GPD2: variants seen among roughly 807,000 people sequenced by gnomAD.
GPD2 encodes the protein glycerol-3-phosphate dehydrogenase, mitochondrial.
Under a neutral mutation model 82.4 loss-of-function variants are expected in GPD2, and 54 were observed. The ratio of observed to expected loss-of-function variants is 0.66; its 90% confidence interval spans 0.53 to 0.82. GPD2 has a LOEUF of 0.82. Among genes scored for constraint, GPD2 ranks in the 40% least tolerant of loss-of-function variants. The probability of loss-of-function intolerance (pLI) is 0.00; values close to 1 mark genes in which losing one functional copy is unlikely to be tolerated. For synonymous variants in GPD2, 288 were observed against 306.1 expected, an observed-to-expected ratio of 0.94 and a Z score of 0.62; for missense variants, 748 against 896.2, an observed-to-expected ratio of 0.83 and a Z score of 2.11.
At chr2:156,408,832 G>C in the GPD2 span, among the ~76,000 whole-genome samples, 1 of 151,568 alleles carries the variant, frequency 6.6e-6, no homozygotes, top group African/African-American at 2.4e-5. Context: ...GTTAAATTTT[G>C]TTGCCCAAAA....
chr2:156,461,247 T>C (rs569509048), intron 1 of GPD2, among the ~76,000 whole-genome samples: 1 of 150,312 alleles, frequency 6.7e-6, no homozygotes, highest in African/African-American at 2.4e-5. Flanking sequence ...CAGCTCGCTG[T>C]AGCCTTGACC....
chr2:156,481,286 C>T (rs1683721508), intron 2 of GPD2, among the ~76,000 whole-genome samples: 1 of 152,120 alleles, frequency 6.6e-6, no homozygotes, highest in African/African-American at 2.4e-5. Context: ...TTACCTCAAA[C>T]ATTGATCATT....
At chr2:156,538,521 C>T (rs530494632) in intron 6 of GPD2, among the ~76,000 whole-genome samples, 1 of 150,532 alleles carries the variant, frequency 6.6e-6, no homozygotes, top group Non-Finnish European at 1.5e-5. Context: ...TTTGAATAAC[C>T]AAATTAAGAT....
intron 1 of GPD2, among the ~76,000 whole-genome samples, chr2:156,471,134 T>C (rs1209178539): frequency 2.6e-5 from 4 of 152,242 alleles, no homozygotes; most frequent in Admixed American, 2.6e-4. Flanking sequence ...AAACCACTTA[T>C]TGTGTTCAGT....
intron 16 of GPD2, among the ~76,000 whole-genome samples, chr2:156,582,500 A>AAAAT: frequency 6.6e-6 from 1 of 150,966 alleles, no homozygotes. Flanking sequence ...AAAAAAAAAA[A>AAAAT]GTGCCTTGAG....
At chr2:156,455,914 G>A (rs1682774643) in intron 1 of GPD2, among the ~76,000 whole-genome samples, 1 of 152,114 alleles carries the variant, frequency 6.6e-6, no homozygotes, top group Non-Finnish European at 1.5e-5. Flanking sequence ...TTTCCATATT[G>A]CCTTTGTTTG....
intron 6 of GPD2, among the ~76,000 whole-genome samples, chr2:156,538,065 G>A (rs1005559162): frequency 1.3e-5 from 2 of 152,178 alleles, no homozygotes; most frequent in African/African-American, 2.4e-5. Flanking sequence ...ACTATATTGT[G>A]TATAAACTTT....
intron 1 of GPD2, among the ~76,000 whole-genome samples, chr2:156,463,800 C>T (rs1683066590): frequency 6.6e-6 from 1 of 152,070 alleles, no homozygotes. Context: ...TCAATGACAG[C>T]TTCAAAAGGA....
At chr2:156,503,160 G>A (rs769073755) in intron 3 of GPD2, among the ~76,000 whole-genome samples, 2 of 152,074 alleles carry the variant, frequency 1.3e-5, no homozygotes, top group South Asian at 2.1e-4. Flanking sequence ...CCCAGAGAGT[G>A]GTCAAGAGAA....
chr2:156,512,056 G>A (rs1193050297), intron 4 of GPD2, among the ~76,000 whole-genome samples, 164 bp from the exon 5 acceptor site: 1 of 152,156 alleles, frequency 6.6e-6, no homozygotes, highest in African/African-American at 2.4e-5. Flanking sequence ...AATCTTTGAG[G>A]TTGACAGCAT....
chr2:156,430,867 G>A (rs1374406937), upstream of GPD2, among the ~76,000 whole-genome samples: 2 of 152,198 alleles, frequency 1.3e-5, no homozygotes, highest in African/African-American at 4.8e-5. Context: ...GTGGGAAAAG[G>A]TCAATCCCAG....
chr2:156,475,600 G>C (rs1369328179), intron 1 of GPD2, among the ~76,000 whole-genome samples: 1 of 152,134 alleles, frequency 6.6e-6, no homozygotes, highest in Non-Finnish European at 1.5e-5. Flanking sequence ...CATTAGAAAG[G>C]GAAAAACTTG....
At chr2:156,493,369 A>G (rs1342517045) in intron 2 of GPD2, among the ~76,000 whole-genome samples, 1 of 150,150 alleles carries the variant, frequency 6.7e-6, no homozygotes, top group South Asian at 2.1e-4. Flanking sequence ...GAGGCAGTAG[A>G]AAAAAAACAA....
chr2:156,474,467 T>C (rs901204349), intron 1 of GPD2, among the ~76,000 whole-genome samples: 6 of 152,184 alleles, frequency 3.9e-5, no homozygotes, highest in Non-Finnish European at 8.8e-5. Flanking sequence ...CAGTAGAATG[T>C]AACGTGTGTT....
At chr2:156,422,464 C>T in the GPD2 span, among the ~76,000 whole-genome samples, 1 of 151,966 alleles carries the variant, frequency 6.6e-6, no homozygotes, top group African/African-American at 2.4e-5. Flanking sequence ...GGCACAGTGG[C>T]TCACTCCTGT....
chr2:156,410,156 A>G, the GPD2 span, among the ~76,000 whole-genome samples: 3 of 152,262 alleles, frequency 2.0e-5, no homozygotes, highest in Admixed American at 6.5e-5. Context: ...TCAGGCTAGC[A>G]GTGTGTGACA....
intron 1 of GPD2, among the ~76,000 whole-genome samples, chr2:156,441,576 A>T (rs1055807553): frequency 1.3e-5 from 2 of 152,164 alleles, no homozygotes; most frequent in African/African-American, 4.8e-5. Flanking sequence ...GAAAAAAGAT[A>T]AAAAAGTAAG....
At chr2:156,535,610 C>A (rs1276603108) in intron 6 of GPD2, among the ~76,000 whole-genome samples, 1 of 151,818 alleles carries the variant, frequency 6.6e-6, no homozygotes, top group Non-Finnish European at 1.5e-5. Context: ...TTGTGGCTTA[C>A]CTCTTTATTT....
chr2:156,487,239 G>A (rs976743452), intron 2 of GPD2, among the ~76,000 whole-genome samples: 1 of 152,176 alleles, frequency 6.6e-6, no homozygotes, highest in South Asian at 2.1e-4. Flanking sequence ...AACCCAGGAG[G>A]TGGAAGTTGT....
Sources: gnomAD v4.1 joint callset for allele counts (sites outside exome capture counted in the v4.1 genomes callset) on GRCh38, gnomAD v4.1.1 for gene constraint, MANE v1.5 for transcripts, NCBI Gene and HGNC (gene_info 2026-07-23, HGNC 2026-07-21) for gene names.